Variants in GULP1 observed in about 807,000 individuals in gnomAD.
GULP1 encodes the protein PTB domain-containing engulfment adapter protein 1.
Under a neutral mutation model 40.9 loss-of-function variants are expected in GULP1, and 19 were observed. The ratio of observed to expected loss-of-function variants is 0.46; its 90% confidence interval spans 0.32 to 0.68. The LOEUF (loss-of-function observed/expected upper bound fraction) is 0.68. Among genes scored for constraint, GULP1 ranks in the 30% least tolerant of loss-of-function variants. GULP1 has a pLI of 0.03. For synonymous variants in GULP1, 119 were observed against 117.6 expected (o/e 1.01, Z -0.08); for missense variants, 312 against 362.2 (o/e 0.86, Z 1.12).
At chr2:188,399,839 T>C (rs2051938895) in intron 2 of GULP1, among the ~76,000 whole-genome samples, 1 of 152,172 alleles carries the variant, frequency 6.6e-6, no homozygotes, top group Non-Finnish European at 1.5e-5. Flanking sequence ...ATTCATTTGT[T>C]CTTTCTTGTG....
intron 2 of GULP1, among the ~76,000 whole-genome samples, chr2:188,424,216 A>G (rs981915076): frequency 3.3e-5 from 5 of 152,000 alleles, no homozygotes; most frequent in African/African-American, 4.8e-5. Flanking sequence ...CAAATATTTT[A>G]TTGTTTTAAA....
intron 6 of GULP1, among the ~76,000 whole-genome samples, chr2:188,532,338 A>G (rs944744968): frequency 2.6e-5 from 4 of 152,178 alleles, no homozygotes; most frequent in Non-Finnish European, 4.4e-5. Context: ...GGGTTTTAGA[A>G]TTCACAGGTT....
chr2:188,325,153 A>C (rs918871223), intron 1 of GULP1, among the ~76,000 whole-genome samples: 7 of 152,068 alleles, frequency 4.6e-5, no homozygotes, highest in African/African-American at 1.4e-4. Flanking sequence ...TAGTTTCCAA[A>C]ACTCAGTGAA....
At position 188,539,971 on chromosome 2, in the gene GULP1, G is replaced by A. The variant is rs375760595; in HGVS notation, c.262-1210G>A. Among the ~76,000 whole-genome samples, 30 of 152,202 alleles carry A rather than the reference G, an allele frequency of 2.0e-4. No individual in the cohort carries two copies. The South Asian group carries it at 5.0e-3, about 25-fold the overall frequency. On this transcript the variant is annotated intron_variant, in intron 6 of 11. Transcript: ENST00000409830. ...AGCACCCCAGGTATTTGTGCTACACGTTGTCTGAAGCCACCTTTAGAGAAA... is the reference window on the plus strand; with the variant it reads ...AGCACCCCAGGTATTTGTGCTACACATTGTCTGAAGCCACCTTTAGAGAAA...
chr2:188,323,690 A>C (rs67797388), intron 1 of GULP1, among the ~76,000 whole-genome samples: 1 of 99,600 alleles, frequency 1.0e-5, no homozygotes, highest in African/African-American at 3.9e-5. Flanking sequence ...GTGTGTGTGT[A>C]TGTGTGTACA....
At chr2:188,325,064 A>G (rs2040557675) in intron 1 of GULP1, among the ~76,000 whole-genome samples, 2 of 152,062 alleles carry the variant, frequency 1.3e-5, no homozygotes, top group Admixed American at 6.6e-5. Context: ...GTGTAGGCTT[A>G]TTTCTAATTT....
At chr2:188,510,986 AT>A (rs1188867433) in intron 4 of GULP1, among the ~76,000 whole-genome samples, 1 of 151,956 alleles carries the variant, frequency 6.6e-6, no homozygotes, top group East Asian at 1.9e-4. Context: ...TTATTATTTC[AT>A]TTTTATTTCT....
chr2:188,538,719 G>GTA (rs1369548642), intron 6 of GULP1, among the ~76,000 whole-genome samples: 68 of 150,864 alleles, frequency 4.5e-4, no homozygotes, highest in African/African-American at 1.6e-3. Flanking sequence ...GTGTGTGTGT[G>GTA]TAGTGAGAGA....
chr2:188,519,697 T>C (rs746164644), intron 4 of GULP1, among the ~76,000 whole-genome samples: 3 of 152,230 alleles, frequency 2.0e-5, no homozygotes, highest in Admixed American at 6.5e-5. Context: ...TGGTGGCACA[T>C]TAATATCGCT....
intron 9 of GULP1, among the ~76,000 whole-genome samples, chr2:188,583,392 A>G (rs954336687): frequency 6.6e-6 from 1 of 152,204 alleles, no homozygotes; most frequent in Non-Finnish European, 1.5e-5. Context: ...AAGTTCTCAC[A>G]GGAAAAGCAA....
At chr2:188,300,600 C>T (rs890622863) in intron 1 of GULP1, among the ~76,000 whole-genome samples, 3 of 152,048 alleles carry the variant, frequency 2.0e-5, no homozygotes, top group African/African-American at 2.4e-5. Context: ...TAATTTAGTT[C>T]GCTATATTCC....
At chr2:188,373,084 TTA>T (rs35999526) in intron 1 of GULP1, among the ~76,000 whole-genome samples, 116,061 of 150,648 alleles carry the variant, frequency 0.77, 45,504 homozygotes, top group East Asian at 0.95. Context: ...AAGGGAATGA[TTA>T]TATATATATA....
At chr2:188,403,089 A>T (rs939802592) in intron 2 of GULP1, among the ~76,000 whole-genome samples, 2 of 152,138 alleles carry the variant, frequency 1.3e-5, no homozygotes, top group East Asian at 1.9e-4. Context: ...ACACCTAGTC[A>T]GTATTCCCTT....
At chr2:188,540,919 C>T (rs1301676113) in intron 6 of GULP1, among the ~76,000 whole-genome samples, 2 of 152,084 alleles carry the variant, frequency 1.3e-5, no homozygotes, top group Non-Finnish European at 2.9e-5. Flanking sequence ...CTCAGATAGG[C>T]CATAAATCTT....
chr2:188,382,443 C>A (rs191280449), intron 1 of GULP1, among the ~76,000 whole-genome samples: 32 of 152,262 alleles, frequency 2.1e-4, no homozygotes, highest in African/African-American at 7.5e-4. Flanking sequence ...CACTCCGGGT[C>A]TCACTTCTTT....
chr2:188,554,102 TG>T (rs1694173175), intron 7 of GULP1, among the ~76,000 whole-genome samples: 1 of 145,534 alleles, frequency 6.9e-6, no homozygotes, highest in Non-Finnish European at 1.5e-5. Context: ...ACCAATTTTT[TG>T]TTTGTTTGAT....
intron 2 of GULP1, among the ~76,000 whole-genome samples, chr2:188,450,184 T>C (rs995768326): frequency 1.3e-5 from 2 of 152,214 alleles, no homozygotes; most frequent in Non-Finnish European, 2.9e-5. Context: ...TTTCTGGCAC[T>C]GTGCCAGGTC....
At chr2:188,348,131 C>T (rs925631447) in intron 1 of GULP1, among the ~76,000 whole-genome samples, 1 of 152,164 alleles carries the variant, frequency 6.6e-6, no homozygotes. Flanking sequence ...AATTGAAAAA[C>T]GTGTTATTCA....
Position 188,593,927 on chromosome 2 carries a change from TTC to T in GULP1, c.844-11_844-10del. The T allele has an allele frequency of 6.8e-7, 1 of 1,462,196 alleles. No individual in the cohort carries two copies. Among genetic ancestry groups the T allele is most frequent in the South Asian group, 1.1e-5 (1 of 87,108 alleles). 90.6% of individuals were successfully genotyped at this position (1,462,196 alleles called of 1,614,324 possible). A position where few individuals can be genotyped will look rare whatever the true frequency, so the allele number is the denominator to read the frequency against. On this transcript the variant is annotated splice_polypyrimidine_tract_variant and intron_variant, in intron 11 of 11. Transcript: ENST00000409830. Reference sequence around the variant, plus strand: ...AGCATTTCAGATATTAATTATTTTATTCTGTTTTACAGGAGGGGTTCAAAATG... The same window carrying T: ...AGCATTTCAGATATTAATTATTTTATTGTTTTACAGGAGGGGTTCAAAATG...
Sources: gnomAD v4.1 joint callset for allele counts (sites outside exome capture counted in the v4.1 genomes callset) on GRCh38, gnomAD v4.1.1 for gene constraint, MANE v1.5 for transcripts, NCBI Gene and HGNC (gene_info 2026-07-23, HGNC 2026-07-21) for gene names.